The following MYO9A variants were observed in gnomAD, a reference collection of about 807,000 sequenced individuals.
MYO9A encodes myosin IXA.
Under a neutral mutation model 293.3 loss-of-function variants are expected in MYO9A, and 103 were observed. That is an observed-to-expected ratio of 0.35 (90% CI 0.30 to 0.41). The LOEUF is 0.41. MYO9A is among the 10% of genes least tolerant of loss of function. The pLI is 1.00. For missense variants in MYO9A, 2,685 were observed against 3,033.0 expected, an observed-to-expected ratio of 0.89 and a Z score of 2.69; for synonymous variants, 1,001 against 1,035.7, an observed-to-expected ratio of 0.97 and a Z score of 0.64.
chr15:71,929,539 A>G (rs1171029133), intron 18 of MYO9A, among the ~76,000 whole-genome samples: 2 of 152,216 alleles, frequency 1.3e-5, no homozygotes, highest in Non-Finnish European at 2.9e-5. Context: ...ATGTGTTGAA[A>G]TGACAGTATG....
At chr15:71,920,300 T>C (rs1194909124) in intron 18 of MYO9A, among the ~76,000 whole-genome samples, 3 of 152,180 alleles carry the variant, frequency 2.0e-5, no homozygotes, top group Non-Finnish European at 4.4e-5. Flanking sequence ...TTGAATATAG[T>C]CTAACTGTTT....
intron 1 of MYO9A, among the ~76,000 whole-genome samples, chr15:72,107,272 A>G (rs2080602665): frequency 6.6e-6 from 1 of 152,120 alleles, no homozygotes; most frequent in Non-Finnish European, 1.5e-5. Context: ...ATCTCGGCAG[A>G]GTGTAGTGAC....
chr15:72,053,869 A>G (rs2149831618), intron 1 of MYO9A, among the ~76,000 whole-genome samples: 1 of 152,346 alleles, frequency 6.6e-6, no homozygotes, highest in South Asian at 2.1e-4. Context: ...AATGAGTTCA[A>G]AAGAAAGCAA....
chr15:72,071,636 G>C (rs1334850995), intron 1 of MYO9A, among the ~76,000 whole-genome samples: 1 of 152,024 alleles, frequency 6.6e-6, no homozygotes, highest in Admixed American at 6.5e-5. Flanking sequence ...CGGTTACAGA[G>C]GCAGGTTACA....
chr15:72,028,038 A>G (rs887809944), intron 3 of MYO9A, among the ~76,000 whole-genome samples: 3 of 151,002 alleles, frequency 2.0e-5, no homozygotes, highest in Non-Finnish European at 4.4e-5. Context: ...TCTCTAATAA[A>G]ATACAAAAAT....
chr15:72,067,507 T>C (rs1472441979), intron 1 of MYO9A, among the ~76,000 whole-genome samples: 1 of 152,068 alleles, frequency 6.6e-6, no homozygotes, highest in African/African-American at 2.4e-5. Flanking sequence ...GGTCTCAAAC[T>C]CCTGACCTCG....
chr15:71,868,167 C>G (rs2056399278), intron 32 of MYO9A, among the ~76,000 whole-genome samples: 1 of 152,192 alleles, frequency 6.6e-6, no homozygotes, highest in South Asian at 2.1e-4. Flanking sequence ...CAATCTCATT[C>G]AGGTTGTTGG....
chr15:72,012,920 C>A (rs1269693743), intron 6 of MYO9A, among the ~76,000 whole-genome samples: 3 of 152,094 alleles, frequency 2.0e-5, no homozygotes, highest in Non-Finnish European at 4.4e-5. Context: ...ATCAAATGTT[C>A]TTAGAAACCC....
intron 1 of MYO9A, among the ~76,000 whole-genome samples, chr15:72,088,043 G>C (rs1010902109): frequency 3.3e-5 from 5 of 152,148 alleles, no homozygotes; most frequent in Non-Finnish European, 5.9e-5. Context: ...TACAAAAAAA[G>C]GTCATGGAAG....
intron 12 of MYO9A, among the ~76,000 whole-genome samples, chr15:71,974,980 T>C (rs1373497823): frequency 1.3e-5 from 2 of 152,184 alleles, no homozygotes; most frequent in Non-Finnish European, 2.9e-5. Flanking sequence ...AATCCAACAT[T>C]ACATTAACAC....
chr15:71,988,980 C>T (rs957053251), intron 11 of MYO9A, among the ~76,000 whole-genome samples: 2 of 152,128 alleles, frequency 1.3e-5, no homozygotes, highest in African/African-American at 4.8e-5. Context: ...CTGCAACCTA[C>T]GCCGCCCACA....
chr15:72,034,087 G>A (rs759223553), intron 2 of MYO9A, among the ~76,000 whole-genome samples: 2 of 152,174 alleles, frequency 1.3e-5, no homozygotes, highest in Non-Finnish European at 2.9e-5. Flanking sequence ...GACAAGGCGA[G>A]GACGTCAACC....
intron 1 of MYO9A, among the ~76,000 whole-genome samples, chr15:72,102,834 C>T (rs553987031): frequency 6.6e-6 from 1 of 151,264 alleles, no homozygotes; most frequent in South Asian, 2.1e-4. Flanking sequence ...AGATCTCAGG[C>T]AGCAAAGGAA....
intron 31 of MYO9A, among the ~76,000 whole-genome samples, chr15:71,876,588 A>G (rs894508848): frequency 6.6e-6 from 1 of 151,762 alleles, no homozygotes; most frequent in Non-Finnish European, 1.5e-5. Context: ...GGCGTGTGCC[A>G]GCACACCTGG....
chr15:71,901,464 A>G (rs2057481520), intron 22 of MYO9A, 124 bp from the exon 23 acceptor site: 2 of 938,730 alleles, frequency 2.1e-6, no homozygotes, highest in South Asian at 1.8e-5. Context: ...ATGTAAATGA[A>G]GTACTGATAA....
At chr15:71,998,565 C>CTTTTTTTTT (rs11443228) in intron 9 of MYO9A, among the ~76,000 whole-genome samples, 5 of 140,082 alleles carry the variant, frequency 3.6e-5, no homozygotes, top group Non-Finnish European at 6.2e-5. Context: ...TTTTTTTTGT[C>CTTTTTTTTT]TTTTTTTTTC....
Position 71,947,167 on chromosome 15 carries a change from A to T in MYO9A, c.2302+4610T>A, listed in dbSNP as rs1052093584. Among the ~76,000 whole-genome samples, 24 of 151,268 alleles carry T rather than the reference A, an allele frequency of 1.6e-4. 1 individual carries two copies. Among genetic ancestry groups the T allele is most frequent in the Middle Eastern group, 6.8e-3 (2 of 292 alleles). On this transcript the variant is annotated intron_variant, in intron 15 of 41. Coordinates refer to ENST00000356056, the MANE Select transcript of MYO9A (RefSeq NM_006901.4). ...AATGGTGGCATGCACCTGTAGTCCGAGGTGCTTGGGAGGCTAAGGCATGAG... is the reference window on the plus strand; with the variant it reads ...AATGGTGGCATGCACCTGTAGTCCGTGGTGCTTGGGAGGCTAAGGCATGAG...
At chr15:72,055,238 T>C (rs897808168) in intron 1 of MYO9A, among the ~76,000 whole-genome samples, 1 of 152,154 alleles carries the variant, frequency 6.6e-6, no homozygotes. Context: ...CCGGGCAATA[T>C]ACCAAGACCC....
intron 19 of MYO9A, among the ~76,000 whole-genome samples, chr15:71,913,664 C>T (rs2057926264): frequency 6.6e-6 from 1 of 152,022 alleles, no homozygotes; most frequent in Admixed American, 6.5e-5. Context: ...GGATGTTAGA[C>T]ACTGTGTTTT....
Sources: gnomAD v4.1 joint callset for allele counts (sites outside exome capture counted in the v4.1 genomes callset) on GRCh38, gnomAD v4.1.1 for gene constraint, MANE v1.5 for transcripts, NCBI Gene and HGNC (gene_info 2026-07-23, HGNC 2026-07-21) for gene names.